The following ZNF142 variants were observed in gnomAD, a reference collection of about 807,000 sequenced individuals.
ZNF142 encodes the protein zinc finger protein 142, also known as zinc finger protein 142 (clone pHZ-49).
A neutral mutation model predicts 132.1 loss-of-function variants in ZNF142; 96 were observed. The ratio of observed to expected loss-of-function variants is 0.73; its 90% confidence interval spans 0.62 to 0.86. ZNF142 has a LOEUF of 0.86. Ranked by LOEUF, ZNF142 falls within the 40% of genes least tolerant of loss-of-function variation. The pLI, the probability that ZNF142 is intolerant of heterozygous loss-of-function variation, is 0.00. For missense variants in ZNF142, 2,163 were observed against 2,336.2 expected (o/e 0.93, Z 1.53); for synonymous variants, 842 against 890.1 (o/e 0.95, Z 0.96).
At chr2:218,641,202 G>A (rs896452604) in intron 9 of ZNF142, among the ~76,000 whole-genome samples, 1 of 150,896 alleles carries the variant, frequency 6.6e-6, no homozygotes, top group African/African-American at 2.4e-5. Context: ...GCCTCCCAAA[G>A]TGCTAGGATT....
intron 10 of ZNF142, 109 bp from the exon 11 acceptor site, chr2:218,638,917 A>G: frequency 1.2e-6 from 1 of 831,042 alleles, no homozygotes; most frequent in Non-Finnish European, 1.8e-6. Context: ...CAAGTTGACT[A>G]ATGACCATCT....
Position 218,634,027 on chromosome 2 carries a change from G to A in ZNF142, c.*4312C>T. 7 of 1,522,400 alleles carry A rather than the reference G, an allele frequency of 4.6e-6. No individual in the cohort carries two copies. The highest frequency in any genetic ancestry group is 2.5e-5 in the South Asian group (2 of 80,646). The allele number at this position is 1,522,400 out of a possible 1,614,324, so 94.3% of individuals were successfully genotyped here. ...TTCAGATGCTGGAGAGAAGGGTGAA[G>A]AGTAGGCATGGTCCTTGGGACTAGG... On this transcript the variant is annotated 3_prime_UTR_variant, in exon 11 of 11. Coordinates refer to ENST00000411696, the MANE Select transcript of ZNF142 (RefSeq NM_001379659.1). This position sits in a 1 kb window ranked among gnomAD's most constrained non-coding sequence, Gnocchi z 4.0.
rs746015594 is a variant in ZNF142 at position 218,645,038 on chromosome 2, C to A, written c.2078G>T (p.Arg693Leu). The A allele has an allele frequency of 6.2e-7, 1 of 1,612,948 alleles. No homozygotes were observed. Among genetic ancestry groups the A allele is most frequent in the Admixed American group, 1.7e-5 (1 of 60,008 alleles). Reference protein sequence around the residue: ...LRYQCNQCSYRCHRADQLSSH... With the variant: ...LRYQCNQCSYLCHRADQLSSH... Reference sequence around the variant, plus strand: ...GCTCAGCTGATCAGCCCGGTGACAGCGATAGGAGCACTGGTTGCACTGATA... The same window carrying A: ...GCTCAGCTGATCAGCCCGGTGACAGAGATAGGAGCACTGGTTGCACTGATA... The change falls in exon 9 of 11, where the codon CGC (arginine) becomes CTC (leucine). Residue 693 changes from arginine (R) to leucine (L), a missense_variant. By Grantham distance (102) the Arg-to-Leu change is moderately radical. This residue lies in a region of ZNF142 where 749 missense variants were observed against 830.3 expected (regional missense o/e 0.90). Transcript: ENST00000411696.
chr2:218,635,109 TA>T lies in ZNF142; in HGVS notation c.*3229del, dbSNP rs1384603415. 6.6e-6 allele frequency among the ~76,000 whole-genome samples: 1 copy of T among 151,842 alleles called. No individual in the cohort carries two copies. Among genetic ancestry groups the T allele is most frequent in the Non-Finnish European group, 1.5e-5 (1 of 67,934 alleles). On this transcript the variant is annotated 3_prime_UTR_variant, in exon 11 of 11. Transcript: ENST00000411696. ...GAGACTCCCGTCTCTACAAAAAATT[TA>T]AAAATTAGCCTGGCATGGTGGCACA...
Position 218,640,645 on chromosome 2 carries a change from C to G in ZNF142, c.5194+19G>C. ...GAACAAAGGAACCCTTCAGGCCTGT[C>G]GAAACCACACAGACTCACCTGTATG... On this transcript the variant is annotated intron_variant, in intron 10 of 10. Coordinates refer to ENST00000411696, the MANE Select transcript of ZNF142 (RefSeq NM_001379659.1). 6.2e-7 allele frequency: 1 copy of G among 1,612,412 alleles called. No individual in the cohort carries two copies. Among genetic ancestry groups the G allele is most frequent in the Non-Finnish European group, 8.5e-7 (1 of 1,178,632 alleles).
chr2:218,649,224 C>T lies in ZNF142; in HGVS notation c.1284G>A (p.Ala428=), dbSNP rs61733647. The part of the protein sequence containing the change: ...AHHCPLCHYS[A]VERNALNRHM... ...GGCGGTTGAGTGCATTCCTCTCCACCGCACTGTAGTGGCACAGTGGGCAGT... is the reference window on the plus strand; with the variant it reads ...GGCGGTTGAGTGCATTCCTCTCCACTGCACTGTAGTGGCACAGTGGGCAGT... The change falls in exon 7 of 11, where the codon GCG becomes GCA. Residue 428 remains alanine, a synonymous_variant. Transcript: ENST00000411696. 4.6e-3 allele frequency: 7,471 copies of T among 1,614,218 alleles called. 48 individuals are homozygous for T. The highest frequency in any genetic ancestry group is 4.7e-3 in the Non-Finnish European group (5,588 of 1,180,036).
In ZNF142 at chr2:218,650,364, A is replaced by T. The variant is rs1937867102; in HGVS notation, c.1043T>A (p.Leu348Gln). ...AAGCCTCAGAATGTCATTACCTTCC[A>T]GCCGCTGAGCCCCTTGGCCTTTATC... Reference protein sequence around the residue: ...AVDKGQGAQRLEGDVVSGTES... With the variant: ...AVDKGQGAQRQEGDVVSGTES... The change falls in exon 6 of 11, where the codon CTG becomes CAG. Residue 348 changes from leucine (L) to glutamine (Q), a missense_variant. Physicochemically the swap from Leu to Gln is moderately radical, Grantham distance 113. This residue lies in a region of ZNF142 where 749 missense variants were observed against 830.3 expected (regional missense o/e 0.90). Coordinates refer to ENST00000411696, the MANE Select transcript of ZNF142 (RefSeq NM_001379659.1). 4 of 1,614,176 alleles carry T rather than the reference A, an allele frequency of 2.5e-6. No individual in the cohort carries two copies. Among genetic ancestry groups the T allele is most frequent in the Non-Finnish European group, 3.4e-6 (4 of 1,180,024 alleles).
chr2:218,647,433 A>AAAAAAAAAAAAAAAAAAAAAAC, intron 7 of ZNF142, among the ~76,000 whole-genome samples: 1 of 147,084 alleles, frequency 6.8e-6, no homozygotes, highest in Non-Finnish European at 1.5e-5. Flanking sequence ...AAAAAAAAAA[A>AAAAAAAAAAAAAAAAAAAAAAC]AAGCCTCCTC....
intron 4 of ZNF142, among the ~76,000 whole-genome samples, chr2:218,655,116 C>CA (rs1165212502): frequency 6.6e-6 from 1 of 151,916 alleles, no homozygotes; most frequent in Non-Finnish European, 1.5e-5. Context: ...CAAAAGAAAA[C>CA]AAAAAAAGCA....
chr2:218,643,273 A>G lies in ZNF142; in HGVS notation c.3843T>C (p.Asn1281=), dbSNP rs749060643. 3 of 1,614,162 alleles carry G rather than the reference A, an allele frequency of 1.9e-6. No individual in the cohort carries two copies. The highest frequency in any genetic ancestry group is 2.5e-6 in the Non-Finnish European group (3 of 1,180,028). ...LSNGDSAPPK[N]GSTESSSGDG... ...CACCAGAGCTGGACTCTGTACTCCC[A>G]TTCTTCGGGGGAGCAGAGTCCCCAT... The change falls in exon 9 of 11, where the codon AAT becomes AAC. Residue 1281 remains asparagine, a synonymous_variant. Transcript: ENST00000411696.
intron 3 of ZNF142, among the ~76,000 whole-genome samples, chr2:218,657,511 C>T (rs975581905): frequency 6.6e-6 from 1 of 152,182 alleles, no homozygotes; most frequent in African/African-American, 2.4e-5. Context: ...TCACTACAAC[C>T]TCTGCCTCCT....
At position 218,636,916 on chromosome 2, in the gene ZNF142, C is replaced by T. The variant is rs1308020135; in HGVS notation, c.*1423G>A. 1 of 465,802 alleles carries T rather than the reference C, an allele frequency of 2.1e-6. No individual in the cohort carries two copies. The highest frequency in any genetic ancestry group is 4.3e-6 in the Non-Finnish European group (1 of 233,650). 28.9% of individuals were successfully genotyped at this position (465,802 alleles called of 1,614,324 possible). ...CTTTCCCATCAACTCTGTGTGAAGGCAGGTTGCAACTAGAAATTCAGAGGG... is the reference window on the plus strand; with the variant it reads ...CTTTCCCATCAACTCTGTGTGAAGGTAGGTTGCAACTAGAAATTCAGAGGG... On this transcript the variant is annotated 3_prime_UTR_variant, in exon 11 of 11. Transcript: ENST00000411696.
intron 9 of ZNF142, among the ~76,000 whole-genome samples, chr2:218,641,055 C>CGGGA (rs1697140076): frequency 6.6e-6 from 1 of 151,820 alleles, no homozygotes; most frequent in Non-Finnish European, 1.5e-5. Flanking sequence ...CCACCTCAGC[C>CGGGA]TCCCAAGTAG....
intron 4 of ZNF142, among the ~76,000 whole-genome samples, chr2:218,654,258 C>T (rs1029921098): frequency 2.0e-5 from 3 of 152,016 alleles, no homozygotes; most frequent in African/African-American, 7.2e-5. Flanking sequence ...GCTAAATTGA[C>T]CTTCAAAAGA....
In ZNF142 at chr2:218,646,172, T is replaced by G; in HGVS notation, c.2050A>C (p.Arg684=). 1 of 1,612,950 alleles carries G rather than the reference T, an allele frequency of 6.2e-7. No homozygotes were observed. Among genetic ancestry groups the G allele is most frequent in the Non-Finnish European group, 8.5e-7 (1 of 1,179,732 alleles). ...VHMRKHAGDL[R]YQCNQCSYRC... is the part of the protein sequence containing the mutation. ...CGGAGGCCTATGTGTGTGTTGTACCTGAGGTCCCCTGCATGTTTTCGCATG... is the reference window on the plus strand; with the variant it reads ...CGGAGGCCTATGTGTGTGTTGTACCGGAGGTCCCCTGCATGTTTTCGCATG... Residue 684 remains arginine, a splice_region_variant and synonymous_variant, in exon 8 of 11, where the codon AGG becomes CGG. Coordinates refer to ENST00000411696, the MANE Select transcript of ZNF142 (RefSeq NM_001379659.1).
chr2:218,644,533 C>A lies in ZNF142; in HGVS notation c.2583G>T (p.Glu861Asp). 1.2e-6 allele frequency: 2 copies of A among 1,614,056 alleles called. No homozygotes were observed. Among genetic ancestry groups the A allele is most frequent in the Non-Finnish European group, 1.7e-6 (2 of 1,180,040 alleles). Residue 861 changes from glutamate to aspartate, a missense_variant, in exon 9 of 11, where the codon GAG becomes GAT. Transcript: ENST00000411696. This position sits in a 1 kb window ranked among gnomAD's most constrained non-coding sequence, Gnocchi z 4.6. ...SLDQALPEMS[E>D]EVNTGRQEGS... ...CCTCCTGTCTTCCAGTGTTGACCTC[C>A]TCACTCATCTCTGGCAGGGCCTGGT...
intron 9 of ZNF142, among the ~76,000 whole-genome samples, chr2:218,641,743 T>C (rs1189013888): frequency 6.6e-6 from 1 of 152,130 alleles, no homozygotes; most frequent in East Asian, 1.9e-4. Context: ...CTCGCTCTGC[T>C]GCCGAGTGGT....
In ZNF142 at chr2:218,642,867, C is replaced by G; in HGVS notation, c.4249G>C (p.Ala1417Pro). ...ATGCCTGTGTGTCGGGACTGGTGAG[C>G]CTCTAACCGGTACCGTCTGGTGGTC... ...FSTTRRYRLE[A>P]HQSRHTGIGR... Residue 1417 changes from alanine (A) to proline (P), a missense_variant, in exon 9 of 11, where the codon GCT becomes CCT. By Grantham distance (27) the Ala-to-Pro change is conservative. Coordinates refer to ENST00000411696, the MANE Select transcript of ZNF142 (RefSeq NM_001379659.1). This position sits in a 1 kb window ranked among gnomAD's most constrained non-coding sequence, Gnocchi z 4.6. The G allele has an allele frequency of 1.2e-6, 2 of 1,614,118 alleles. No homozygotes were observed. The highest frequency in any genetic ancestry group is 1.7e-6 in the Non-Finnish European group (2 of 1,180,040).
rs1291354818 is a variant in ZNF142, at chr2:218,649,232, A to T, written c.1276T>A (p.Tyr426Asn). The T allele has an allele frequency of 6.2e-7, 1 of 1,614,210 alleles. No homozygotes were observed. The highest frequency in any genetic ancestry group is 8.5e-7 in the Non-Finnish European group (1 of 1,180,044). The stretch of plus-strand genomic sequence containing the variant: ...AGTGCATTCCTCTCCACCGCACTGT[A>T]GTGGCACAGTGGGCAGTGGTGGGCC... ...EKAHHCPLCH[Y>N]SAVERNALNR... is the part of the protein sequence containing the mutation. The change falls in exon 7 of 11, where the codon TAC (tyrosine) becomes AAC (asparagine). Residue 426 changes from tyrosine (Y) to asparagine (N), a missense_variant. Physicochemically the swap from Tyr to Asn is moderately radical, Grantham distance 143. This residue lies in a region of ZNF142 where 749 missense variants were observed against 830.3 expected (regional missense o/e 0.90). Coordinates refer to ENST00000411696, the MANE Select transcript of ZNF142 (RefSeq NM_001379659.1).
Sources: gnomAD v4.1 joint callset for allele counts (sites outside exome capture counted in the v4.1 genomes callset) on GRCh38, gnomAD v4.1.1 for gene constraint, gnomAD v4.1.1 regional missense constraint, Gnocchi (gnomAD v3.1) non-coding constraint, MANE v1.5 for transcripts, NCBI Gene and HGNC (gene_info 2026-07-23, HGNC 2026-07-21) for gene names.